Variants in ADGRA2 observed in about 807,000 individuals in gnomAD.
ADGRA2 encodes the protein adhesion G protein-coupled receptor A2, also known as G-protein coupled receptor 124.
Under a neutral mutation model 98.7 loss-of-function variants are expected in ADGRA2, and 61 were observed. The ratio of observed to expected loss-of-function variants is 0.62; its 90% CI spans 0.50 to 0.76. The LOEUF (loss-of-function observed/expected upper bound fraction) is 0.76. ADGRA2 is among the 30% of genes least tolerant of loss of function. The pLI is 0.00. For missense variants in ADGRA2, 1,712 were observed against 1,860.0 expected (o/e 0.92, Z 1.46); for synonymous variants, 858 against 831.5 (o/e 1.03, Z -0.55).
intron 2 of ADGRA2, among the ~76,000 whole-genome samples, chr8:37,825,127 G>A (rs933598384): frequency 5.3e-5 from 8 of 152,280 alleles, no homozygotes; most frequent in African/African-American, 1.2e-4. Context: ...AACACCCTGC[G>A]TCTTTCCCAG....
At chr8:37,799,373 TAAAA>T (rs745339505) in intron 1 of ADGRA2, among the ~76,000 whole-genome samples, 2 of 124,260 alleles carry the variant, frequency 1.6e-5, no homozygotes. Context: ...AGACTCCGTA[TAAAA>T]AAAAAAAAAA....
At position 37,841,800 on chromosome 8, in the gene ADGRA2, C is replaced by T; in HGVS notation, c.3462C>T (p.Gly1154=). ...TGTGCGAGGCGGGGGCGGCGGCCGG[C>T]GGGGAAGGAGAGCCGGAGCCGGCGG... ...SQVCEAGAAA[G]GEGEPEPAGT... is the part of the protein sequence containing the mutation. Residue 1154 remains glycine (G), a synonymous_variant, in exon 19 of 19, where the codon GGC becomes GGT. Coordinates refer to ENST00000412232, the MANE Select transcript of ADGRA2 (RefSeq NM_032777.10). This position sits in a 1 kb window ranked among gnomAD's most constrained non-coding sequence, Gnocchi z 5.0. The T allele has an allele frequency of 6.5e-7, 1 of 1,530,822 alleles. No individual in the cohort carries two copies. The highest frequency in any genetic ancestry group is 8.7e-7 in the Non-Finnish European group (1 of 1,143,664). 94.8% of individuals were successfully genotyped at this position (1,530,822 alleles called of 1,614,324 possible). A position where few individuals can be genotyped will look rare whatever the true frequency, so the allele number is the denominator to read the frequency against.
Position 37,841,917 on chromosome 8 carries a change from G to A in ADGRA2, c.3579G>A (p.Gly1193=). The change falls in exon 19 of 19, where the codon GGG becomes GGA. Residue 1193 remains glycine, a synonymous_variant. Coordinates refer to ENST00000412232, the MANE Select transcript of ADGRA2 (RefSeq NM_032777.10). This position sits in a 1 kb window ranked among gnomAD's most constrained non-coding sequence, Gnocchi z 5.0. ...GCCGGGCCAAGGGACACCGCGCGGG[G>A]GAGGCCTGCGGCAAGAACCGGCTCA... ...HKSRAKGHRA[G]EACGKNRLKA... 6.6e-7 allele frequency: 1 copy of A among 1,525,138 alleles called. No homozygotes were observed. The highest frequency in any genetic ancestry group is 8.7e-7 in the Non-Finnish European group (1 of 1,143,368). The allele number at this position is 1,525,138 out of a possible 1,614,324, so 94.5% of individuals were successfully genotyped here. A position where few individuals can be genotyped will look rare whatever the true frequency, so the allele number is the denominator to read the frequency against.
rs1314269344 is a variant in ADGRA2, at chr8:37,833,219, G to T, written c.1296+11G>T. Reference sequence around the variant, plus strand: ...TACACCTTCGTGCTGGTGAGGAGAGGCTAGGGCACCCCACCAGCTCTGCTT... The same window carrying T: ...TACACCTTCGTGCTGGTGAGGAGAGTCTAGGGCACCCCACCAGCTCTGCTT... On this transcript the variant is annotated intron_variant, in intron 9 of 18. Transcript: ENST00000412232. 5 of 1,595,548 alleles carry T rather than the reference G, an allele frequency of 3.1e-6. No homozygotes were observed. The highest frequency in any genetic ancestry group is 2.3e-5 in the East Asian group (1 of 44,384).
intron 2 of ADGRA2, among the ~76,000 whole-genome samples, chr8:37,824,960 C>T (rs1805227269): frequency 6.6e-6 from 1 of 152,202 alleles, no homozygotes; most frequent in African/African-American, 2.4e-5. Flanking sequence ...CTCCCAAAGC[C>T]TCTGTTTTCC....
At chr8:37,837,666 C>G (rs1805658409) in intron 13 of ADGRA2, 65 bp from the exon 14 acceptor site, 2 of 1,356,062 alleles carry the variant, frequency 1.5e-6, no homozygotes, top group Middle Eastern at 1.8e-4. Flanking sequence ...GCTGCTGAGT[C>G]CCGGCTGAGC....
At chr8:37,821,720 TGG>T (rs1805131725) in intron 2 of ADGRA2, among the ~76,000 whole-genome samples, 2 of 152,150 alleles carry the variant, frequency 1.3e-5, no homozygotes. Flanking sequence ...GGAAAGAGTC[TGG>T]GAAGGGGAGC....
Position 37,830,633 on chromosome 8 carries a change from CTGCTGGACTCTCGCT to C in ADGRA2, c.719-76_719-62del. On this transcript the variant is annotated intron_variant, in intron 6 of 18. Coordinates refer to ENST00000412232, the MANE Select transcript of ADGRA2 (RefSeq NM_032777.10). This position sits in a 1 kb window ranked among gnomAD's most constrained non-coding sequence, Gnocchi z 4.8. The stretch of plus-strand genomic sequence containing the variant: ...GGGCCCCGCCCCGCCCCACCCCATC[CTGCTGGACTCTCGCT>C]CACACGTGCAGCCTCACATGCGTGT... The C allele has an allele frequency of 2.7e-6, 2 of 736,760 alleles. No individual in the cohort carries two copies. Among genetic ancestry groups the C allele is most frequent in the Non-Finnish European group, 4.6e-6 (2 of 436,088 alleles). 45.6% of individuals were successfully genotyped at this position (736,760 alleles called of 1,614,324 possible).
At chr8:37,804,592 C>T (rs2129905880) in intron 1 of ADGRA2, among the ~76,000 whole-genome samples, 1 of 152,320 alleles carries the variant, frequency 6.6e-6, no homozygotes, top group South Asian at 2.1e-4. Context: ...TGTTGGAACA[C>T]CTAGCTTAGA....
chr8:37,829,436 C>T (rs376299761), intron 4 of ADGRA2, 52 bp from the exon 5 acceptor site: 116 of 1,547,452 alleles, frequency 7.5e-5, no homozygotes, highest in Middle Eastern at 5.0e-4. Flanking sequence ...TCTCCTCCGC[C>T]GGCCCATGGA....
chr8:37,833,573 G>A (rs1456014941), intron 9 of ADGRA2, 115 bp from the exon 10 acceptor site: 1 of 1,084,870 alleles, frequency 9.2e-7, no homozygotes, highest in Non-Finnish European at 1.4e-6. Context: ...CCAGAAGGTA[G>A]GCTGGACTCC....
intron 13 of ADGRA2, among the ~76,000 whole-genome samples, chr8:37,836,082 CACACACACACACA>C (rs1246894680): frequency 6.7e-5 from 10 of 150,344 alleles, no homozygotes; most frequent in African/African-American, 1.2e-4. Context: ...CACACACACA[CACACACACACACA>C]CACCCCACAG....
chr8:37,803,640 A>AT (rs1160502413), intron 1 of ADGRA2, among the ~76,000 whole-genome samples: 1 of 151,980 alleles, frequency 6.6e-6, no homozygotes, highest in Non-Finnish European at 1.5e-5. Context: ...GGACTGGGTT[A>AT]TGGGGGGAGG....
rs1285711053 is a variant in ADGRA2, at chr8:37,842,263, G to A, written c.3925G>A (p.Gly1309Ser). Residue 1309 changes from glycine to serine, a missense_variant, in exon 19 of 19, where the codon GGC becomes AGC. Gly to Ser is a moderately conservative substitution (Grantham distance 56). Coordinates refer to ENST00000412232, the MANE Select transcript of ADGRA2 (RefSeq NM_032777.10). ...CAGCCTAAACGGCGCCCCCAAGGGGGGCAAGTACGACGACGTCACCCTGAT... is the reference window on the plus strand; with the variant it reads ...CAGCCTAAACGGCGCCCCCAAGGGGAGCAAGTACGACGACGTCACCCTGAT... ...AASLNGAPKG[G>S]KYDDVTLMGA... 7 of 1,567,364 alleles carry A rather than the reference G, an allele frequency of 4.5e-6. No homozygotes were observed. Among genetic ancestry groups the A allele is most frequent in the South Asian group, 1.2e-5 (1 of 85,358 alleles).
intron 13 of ADGRA2, 111 bp downstream of exon 13, chr8:37,835,881 GAC>G: frequency 1.5e-6 from 1 of 686,694 alleles, no homozygotes; most frequent in Non-Finnish European, 2.6e-6. Flanking sequence ...TAGTGGAACT[GAC>G]ACAGGATGTT....
intron 10 of ADGRA2, 35 bp from the exon 11 acceptor site, chr8:37,833,932 C>G (rs1026143019): frequency 6.2e-7 from 1 of 1,605,200 alleles, no homozygotes. Flanking sequence ...TCCCAAACCC[C>G]GCCCCTGCCC....
chr8:37,820,938 G>A (rs112631939), intron 2 of ADGRA2, among the ~76,000 whole-genome samples: 469 of 151,158 alleles, frequency 3.1e-3, no homozygotes, highest in Non-Finnish European at 5.5e-3. Context: ...TAGGGGTGGA[G>A]ATGGGGGGGC....
chr8:37,807,114 A>C (rs1261648729), intron 1 of ADGRA2, among the ~76,000 whole-genome samples: 1 of 152,158 alleles, frequency 6.6e-6, no homozygotes, highest in Non-Finnish European at 1.5e-5. Context: ...CAACCCCCTA[A>C]AGCCCCTCCC....
At chr8:37,832,101 A>G (rs1447165826) in intron 8 of ADGRA2, among the ~76,000 whole-genome samples, 3 of 148,040 alleles carry the variant, frequency 2.0e-5, no homozygotes, top group Non-Finnish European at 3.0e-5. Flanking sequence ...ACCATCTGAG[A>G]TGTGCTGCAG....
Sources: allele counts gnomAD v4.1 joint callset (sites outside exome capture counted in the v4.1 genomes callset), GRCh38; gene constraint gnomAD v4.1.1; non-coding constraint Gnocchi (gnomAD v3.1); transcripts MANE v1.5; gene names NCBI Gene and HGNC (gene_info 2026-07-23, HGNC 2026-07-21).